Variants in PRDM16 observed in about 807,000 individuals in gnomAD.
PRDM16 encodes histone-lysine N-methyltransferase PRDM16.
In PRDM16, 23 loss-of-function variants were observed where a neutral mutation model predicts 110.6. The observed-to-expected ratio is 0.21, with a 90% CI of 0.15 to 0.29. The LOEUF is 0.29. Among genes scored for constraint, PRDM16 ranks in the 10% least tolerant of loss-of-function variants. The pLI is 1.00. For missense variants in PRDM16, 1,615 were observed against 1,794.3 expected, an observed-to-expected ratio of 0.90 and a Z score of 1.81; for synonymous variants, 799 against 781.8, an observed-to-expected ratio of 1.02 and a Z score of -0.37.
intron 1 of PRDM16, among the ~76,000 whole-genome samples, chr1:3,121,790 C>T (rs1421207558): frequency 1.3e-5 from 2 of 152,202 alleles, no homozygotes; most frequent in Non-Finnish European, 2.9e-5. Context: ...GCCAGGCCTC[C>T]CTCCTGCCAG....
intron 3 of PRDM16, among the ~76,000 whole-genome samples, chr1:3,321,690 C>T (rs553128603): frequency 6.8e-6 from 1 of 146,260 alleles, no homozygotes; most frequent in Admixed American, 6.8e-5. Flanking sequence ...TGTGGGTGCA[C>T]GTGTGTGTGC....
intron 3 of PRDM16, among the ~76,000 whole-genome samples, chr1:3,320,460 T>C (rs1641714451): frequency 6.6e-6 from 1 of 152,130 alleles, no homozygotes; most frequent in Non-Finnish European, 1.5e-5. Context: ...AGGCAGCAGG[T>C]GGGGTGAAGG....
chr1:3,190,558 C>T lies in PRDM16; in HGVS notation c.387+4084C>T, dbSNP rs952338723. ...GCCCCACCCCCGACCTGGGGGCTCA[C>T]TCTGTGCATGGCTGTGTGTGTGCCC... On this transcript the variant is annotated intron_variant, in intron 2 of 16. Coordinates refer to ENST00000270722, the MANE Select transcript of PRDM16 (RefSeq NM_022114.4). The surrounding 1 kb of genome is among the most constrained non-coding windows in gnomAD (Gnocchi z 5.0). Among the ~76,000 whole-genome samples, 8 of 152,164 alleles carry T rather than the reference C, an allele frequency of 5.3e-5. No individual in the cohort carries two copies. In the East Asian group the frequency reaches 1.5e-3, roughly 29 times the overall value.
chr1:3,418,832 C>A, intron 12 of PRDM16, 88 bp downstream of exon 12: 1 of 1,024,966 alleles, frequency 9.8e-7, no homozygotes, highest in South Asian at 1.3e-5. Flanking sequence ...ATGCCATTCC[C>A]AGGGCTCCCT....
Position 3,081,809 on chromosome 1 carries a change from G to A in PRDM16, c.37+12513G>A, listed in dbSNP as rs376604247. ...CCTTCCATGGGCAGCAGGGCAGCAA[G>A]GGAGACCACCTCCTTGCTGCCCTGA... On this transcript the variant is annotated intron_variant, in intron 1 of 16. Coordinates refer to ENST00000270722, the MANE Select transcript of PRDM16 (RefSeq NM_022114.4). The surrounding 1 kb of genome is among the most constrained non-coding windows in gnomAD (Gnocchi z 4.6). 5.9e-3 allele frequency among the ~76,000 whole-genome samples: 898 copies of A among 152,138 alleles called. 11 individuals are homozygous for A. The highest frequency in any genetic ancestry group is 0.02 in the African/African-American group (842 of 41,544).
At chr1:3,279,168 C>T (rs1456730902) in intron 3 of PRDM16, among the ~76,000 whole-genome samples, 2 of 152,202 alleles carry the variant, frequency 1.3e-5, no homozygotes, top group South Asian at 2.1e-4. Context: ...TCAGGAGCCT[C>T]GAAGCGTCGC....
chr1:3,213,992 C>A lies in PRDM16; in HGVS notation c.387+27518C>A, dbSNP rs572586810. Among the ~76,000 whole-genome samples the A allele has an allele frequency of 2.0e-5, 3 of 152,110 alleles. No homozygotes were observed. Among genetic ancestry groups the A allele is most frequent in the Non-Finnish European group, 4.4e-5 (3 of 68,020 alleles). On this transcript the variant is annotated intron_variant, in intron 2 of 16. Transcript: ENST00000270722. This position sits in a 1 kb window ranked among gnomAD's most constrained non-coding sequence, Gnocchi z 5.3. ...GCTGCGCCCAGACACATGTCGGAGTCTCGTGTGGCCACTGGGTCCGCCTCG... is the reference window on the plus strand; with the variant it reads ...GCTGCGCCCAGACACATGTCGGAGTATCGTGTGGCCACTGGGTCCGCCTCG...
chr1:3,227,795 C>T (rs112457668), intron 2 of PRDM16, among the ~76,000 whole-genome samples: 2,669 of 152,280 alleles, frequency 0.018, 38 homozygotes, highest in African/African-American at 0.036. Context: ...AGGGGGTGGC[C>T]GGGTCTCCTG....
At position 3,121,260 on chromosome 1, in the gene PRDM16, G is replaced by A. The variant is rs992112701; in HGVS notation, c.37+51964G>A. Among the ~76,000 whole-genome samples, 3 of 152,310 alleles carry A rather than the reference G, an allele frequency of 2.0e-5. No homozygotes were observed. The East Asian group carries it at 5.8e-4, about 29-fold the overall frequency. ...GGAGCCCACCCTCCCAGCAGGACCCGGGGCTGCGGTGCCTCCGGTCCTAGC... is the reference window on the plus strand; with the variant it reads ...GGAGCCCACCCTCCCAGCAGGACCCAGGGCTGCGGTGCCTCCGGTCCTAGC... On this transcript the variant is annotated intron_variant, in intron 1 of 16. Transcript: ENST00000270722.
rs892481701 is a variant in PRDM16, at chr1:3,324,280, C to T, written c.439-60872C>T. Among the ~76,000 whole-genome samples the T allele has an allele frequency of 8.5e-5, 13 of 152,270 alleles. No individual in the cohort carries two copies. In the Middle Eastern group the frequency reaches 0.014, roughly 159 times the overall value. ...GGAGGGGGCTCCGCCTGCAGGGTCG[C>T]CCCCAGCCTGCCGGGCTCACTCTCC... On this transcript the variant is annotated intron_variant, in intron 3 of 16. Transcript: ENST00000270722.
chr1:3,334,532 A>C (rs979262687), intron 3 of PRDM16, among the ~76,000 whole-genome samples: 9 of 151,964 alleles, frequency 5.9e-5, no homozygotes, highest in Non-Finnish European at 1.0e-4. Context: ...GCCGCCATCA[A>C]CTCCTCTTGT....
At chr1:3,287,768 G>T (rs1322037329) in intron 3 of PRDM16, among the ~76,000 whole-genome samples, 3 of 142,462 alleles carry the variant, frequency 2.1e-5, no homozygotes, top group African/African-American at 8.2e-5. Flanking sequence ...GGGCATCGAG[G>T]ATTGCATTTA....
At chr1:3,121,739 C>A (rs1278819042) in intron 1 of PRDM16, among the ~76,000 whole-genome samples, 1 of 152,250 alleles carries the variant, frequency 6.6e-6, no homozygotes, top group Non-Finnish European at 1.5e-5. Flanking sequence ...CAGCGGCCCT[C>A]CACCTCGGCT....
intron 4 of PRDM16, among the ~76,000 whole-genome samples, chr1:3,389,588 C>G (rs1479367371): frequency 6.6e-6 from 1 of 152,228 alleles, no homozygotes; most frequent in East Asian, 1.9e-4. Context: ...CCACATTGGG[C>G]CATGAATTTG....
In PRDM16 at chr1:3,422,187, T is replaced by C. The variant is rs1368006390; in HGVS notation, c.2940-3394T>C. ...ACAGGCAGGAAGGCAGATAGATAGATAGGTAGGCAGACAGACAGATGGACA... is the reference window on the plus strand; with the variant it reads ...ACAGGCAGGAAGGCAGATAGATAGACAGGTAGGCAGACAGACAGATGGACA... On this transcript the variant is annotated intron_variant, in intron 12 of 16. Coordinates refer to ENST00000270722, the MANE Select transcript of PRDM16 (RefSeq NM_022114.4). Among the ~76,000 whole-genome samples, 391 of 102,638 alleles carry C rather than the reference T, an allele frequency of 3.8e-3. 2 individuals carry two copies. The highest frequency in any genetic ancestry group is 5.8e-3 in the Non-Finnish European group (304 of 52,450). 67.3% of individuals were successfully genotyped at this position (102,638 alleles called of 152,430 possible). A position where few individuals can be genotyped will look rare whatever the true frequency, so the allele number is the denominator to read the frequency against.
At chr1:3,312,987 G>A (rs530230956) in intron 3 of PRDM16, among the ~76,000 whole-genome samples, 24 of 152,356 alleles carry the variant, frequency 1.6e-4, no homozygotes, top group African/African-American at 4.1e-4. Flanking sequence ...GTGACTTCCA[G>A]GAGGCCTGGG....
chr1:3,219,049 C>T lies in PRDM16; in HGVS notation c.388-25038C>T, dbSNP rs113617372. On this transcript the variant is annotated intron_variant, in intron 2 of 16. Transcript: ENST00000270722. The stretch of plus-strand genomic sequence containing the variant: ...TGAGCGGAGAGCTGCAGGGGAGAGG[C>T]GTGTTCTGCACACTGCCGCGAGGAG... Among the ~76,000 whole-genome samples, 1,448 of 152,284 alleles carry T rather than the reference C, an allele frequency of 9.5e-3. 29 individuals are homozygous for T. The highest frequency in any genetic ancestry group is 0.033 in the African/African-American group (1,382 of 41,548).
intron 3 of PRDM16, among the ~76,000 whole-genome samples, chr1:3,349,854 A>C (rs1642446465): frequency 6.6e-6 from 1 of 152,278 alleles, no homozygotes; most frequent in African/African-American, 2.4e-5. Flanking sequence ...CAGCCTCCGC[A>C]GCCCCCGCAG....
Position 3,402,937 on chromosome 1 carries a change from G to A in PRDM16, c.823G>A (p.Gly275Ser), listed in dbSNP as rs752636134. The change falls in exon 6 of 17, where the codon GGT becomes AGT. Residue 275 changes from glycine to serine, a missense_variant. Around this residue, in one of 5 missense-constraint regions of PRDM16, gnomAD observed 416 missense variants for 467.1 expected, o/e 0.89. Coordinates refer to ENST00000270722, the MANE Select transcript of PRDM16 (RefSeq NM_022114.4). The part of the protein sequence containing the change: ...AEELKPEGLG[G>S]GSGQAHECKD... ...GGAGCTCAAGCCCGAGGGCCTTGGCGGTGGCAGCGGCCAAGCCCACGAGTG... is the reference window on the plus strand; with the variant it reads ...GGAGCTCAAGCCCGAGGGCCTTGGCAGTGGCAGCGGCCAAGCCCACGAGTG... The A allele has an allele frequency of 1.3e-5, 21 of 1,612,800 alleles. No individual in the cohort carries two copies. The South Asian group carries it at 1.3e-4, about 10-fold the overall frequency.
Sources: gnomAD v4.1 joint callset for allele counts (sites outside exome capture counted in the v4.1 genomes callset) on GRCh38, gnomAD v4.1.1 for gene constraint, gnomAD v4.1.1 regional missense constraint, Gnocchi (gnomAD v3.1) non-coding constraint, MANE v1.5 for transcripts, NCBI Gene and HGNC (gene_info 2026-07-23, HGNC 2026-07-21) for gene names.